Variants in UPRT observed in about 807,000 individuals in gnomAD.
The protein encoded by UPRT is uracil phosphoribosyltransferase homolog.
Under a neutral mutation model 22.6 loss-of-function variants are expected in UPRT, and 5 were observed. That is an observed-to-expected ratio of 0.22 (90% confidence interval 0.12 to 0.47). The LOEUF (loss-of-function observed/expected upper bound fraction) is 0.47, where lower values mean the gene tolerates loss of function less well. Among genes scored for constraint, UPRT ranks in the 20% least tolerant of loss-of-function variants. The pLI, the probability that UPRT is intolerant of heterozygous loss-of-function variation, is 0.99. For missense variants in UPRT, 181 were observed against 239.9 expected (o/e 0.75, Z 1.62); for synonymous variants, 77 against 87.7 (o/e 0.88, Z 0.68).
intron 4 of UPRT, among the ~76,000 whole-genome samples, chrX:75,182,435 C>A (rs1602441740): frequency 9.0e-6 from 1 of 111,297 alleles, no homozygotes; most frequent in African/African-American, 3.3e-5. Context: ...GAAATGGTAC[C>A]AGCTCTTCTT....
intron 4 of UPRT, among the ~76,000 whole-genome samples, chrX:75,244,620 A>G (rs1235387924): frequency 9.0e-6 from 1 of 111,607 alleles, no homozygotes; most frequent in African/African-American, 3.3e-5. Flanking sequence ...ATAATGCCAC[A>G]CACCTATAAT....
chrX:75,273,311 T>C (rs748481823), upstream of UPRT, among the ~76,000 whole-genome samples: 55 of 108,381 alleles, frequency 5.1e-4, no homozygotes, highest in Non-Finnish European at 8.8e-4. Context: ...CCTGCACATA[T>C]ATCCCTGAAC....
chrX:75,175,908 A>T (rs991958210), intron 4 of UPRT, among the ~76,000 whole-genome samples: 6 of 110,578 alleles, frequency 5.4e-5, no homozygotes, highest in African/African-American at 2.0e-4. Context: ...TAGAACACTG[A>T]GTTTGCCACG....
At chrX:75,176,634 T>C (rs2082247659) in intron 4 of UPRT, among the ~76,000 whole-genome samples, 1 of 111,041 alleles carries the variant, frequency 9.0e-6, no homozygotes, top group Non-Finnish European at 1.9e-5. Context: ...GAGATTTCTT[T>C]GCTTATTTCC....
At position 75,274,373 on chromosome X, in the gene UPRT, G is replaced by C; in HGVS notation, c.119G>C (p.Gly40Ala). The C allele has an allele frequency of 1.7e-6, 2 of 1,211,593 alleles. No homozygotes were observed. The highest frequency in any genetic ancestry group is 2.2e-6 in the Non-Finnish European group (2 of 895,470). The change falls in exon 1 of 7, where the codon GGG (glycine) becomes GCG (alanine). Residue 40 changes from glycine to alanine, a missense_variant. Around this residue, in one of 2 missense-constraint regions of UPRT, gnomAD observed 111 missense variants for 102.8 expected, o/e 1.08. Coordinates refer to ENST00000373383, the MANE Select transcript of UPRT (RefSeq NM_145052.4). ...GGCGATCTGATCCTGGACCACGCAGGGGGAAACAGAGCCTCCAGGGCCAAG... is the reference window on the plus strand; with the variant it reads ...GGCGATCTGATCCTGGACCACGCAGCGGGAAACAGAGCCTCCAGGGCCAAG... ...RPGDLILDHA[G>A]GNRASRAKVI... is the part of the protein sequence containing the mutation.
At chrX:75,225,250 C>G (rs1406464706) in intron 4 of UPRT, among the ~76,000 whole-genome samples, 1 of 108,437 alleles carries the variant, frequency 9.2e-6, no homozygotes, top group Non-Finnish European at 1.9e-5. Flanking sequence ...AAGGATTGCT[C>G]GAGGCCAGGA....
intron 4 of UPRT, among the ~76,000 whole-genome samples, chrX:75,214,013 C>T (rs1029610262): frequency 8.9e-6 from 1 of 111,998 alleles, no homozygotes; most frequent in African/African-American, 3.2e-5. Context: ...CTTCATCAAA[C>T]AACAGTAGAT....
intron 4 of UPRT, among the ~76,000 whole-genome samples, chrX:75,219,472 T>C (rs5981814): frequency 0.032 from 3,570 of 111,957 alleles, 148 homozygotes; most frequent in African/African-American, 0.11. Flanking sequence ...AGATAATAAG[T>C]GGGCTTCATC....
intron 3 of UPRT, among the ~76,000 whole-genome samples, chrX:75,164,230 C>T (rs777453696): frequency 2.7e-5 from 3 of 111,780 alleles, no homozygotes; most frequent in Non-Finnish European, 5.6e-5. Context: ...AGTTTGATCT[C>T]TAACATGCAC....
intron 4 of UPRT, among the ~76,000 whole-genome samples, chrX:75,181,980 G>A (rs890528209): frequency 2.7e-5 from 3 of 111,935 alleles, no homozygotes; most frequent in African/African-American, 9.7e-5. Context: ...CTGCCAGTGG[G>A]TTAGTCATAG....
chrX:75,183,856 T>G (rs749996052), intron 4 of UPRT, among the ~76,000 whole-genome samples: 2 of 112,438 alleles, frequency 1.8e-5, no homozygotes, highest in South Asian at 7.4e-4. Flanking sequence ...CTTCGCCCAC[T>G]TATTGATGGG....
At position 75,190,033 on chromosome X, in the gene UPRT, G is replaced by A. The variant is rs777569717; in HGVS notation, c.-447+22154G>A. 4.6e-4 allele frequency among the ~76,000 whole-genome samples: 51 copies of A among 111,855 alleles called. 2 individuals carry two copies. In the South Asian group the frequency reaches 0.019, roughly 42 times the overall value. ...GATCCTGTCATTGTGATGTTAGCTA[G>A]TTATTTTGCTCATTAGTTGATGTAG... On this transcript the variant is annotated intron_variant, in intron 4 of 13. Coordinates refer to the UPRT transcript ENST00000652605.
intron 4 of UPRT, among the ~76,000 whole-genome samples, chrX:75,237,883 G>T (rs1219900826): frequency 9.2e-6 from 1 of 108,688 alleles, no homozygotes. Context: ...CACTAGCATG[G>T]CACATGTATA....
intron 4 of UPRT, among the ~76,000 whole-genome samples, chrX:75,182,699 C>CT (rs1426081774): frequency 9.0e-6 from 1 of 111,672 alleles, no homozygotes; most frequent in Non-Finnish European, 1.9e-5. Context: ...ATAATGTTCT[C>CT]TTTTTCATTT....
intron 1 of UPRT, among the ~76,000 whole-genome samples, chrX:75,293,072 T>C (rs2082713918): frequency 9.0e-6 from 1 of 111,623 alleles, no homozygotes; most frequent in African/African-American, 3.3e-5. Flanking sequence ...ATATGGGTTT[T>C]AGATCAAGGT....
chrX:75,234,700 G>A (rs1461756391), intron 4 of UPRT, among the ~76,000 whole-genome samples: 4 of 110,730 alleles, frequency 3.6e-5, no homozygotes, highest in Non-Finnish European at 7.6e-5. Flanking sequence ...GGTACATAAC[G>A]AAATGAAGGC....
intron 1 of UPRT, among the ~76,000 whole-genome samples, chrX:75,279,573 C>A (rs886465059): frequency 3.6e-5 from 4 of 111,618 alleles, no homozygotes; most frequent in Non-Finnish European, 7.5e-5. Flanking sequence ...GATAGTTTCC[C>A]TTGTTTTTCT....
At chrX:75,196,569 C>T (rs1243511217) in intron 4 of UPRT, among the ~76,000 whole-genome samples, 1 of 111,832 alleles carries the variant, frequency 8.9e-6, no homozygotes, top group African/African-American at 3.3e-5. Context: ...AGAAAGAGGC[C>T]GAGTTGGTGG....
chrX:75,243,335 A>T (rs1394639180), intron 4 of UPRT, among the ~76,000 whole-genome samples: 1 of 111,139 alleles, frequency 9.0e-6, no homozygotes, highest in Admixed American at 9.6e-5. Flanking sequence ...TCATGAATCT[A>T]TGGGAGTGTA....
Sources: allele counts gnomAD v4.1 joint callset (sites outside exome capture counted in the v4.1 genomes callset), GRCh38; gene constraint gnomAD v4.1.1; regional missense constraint gnomAD v4.1.1; transcripts MANE v1.5; gene names NCBI Gene and HGNC (gene_info 2026-07-23, HGNC 2026-07-21).